MOXD1: variants seen among roughly 807,000 people sequenced by gnomAD.
MOXD1 encodes monooxygenase DBH like 1.
Under a neutral mutation model 66.6 loss-of-function variants are expected in MOXD1, and 62 were observed. The ratio of observed to expected loss-of-function variants is 0.93; its 90% CI spans 0.76 to 1.15. The LOEUF is 1.15. Ranked by LOEUF, MOXD1 falls within the 50% of genes most tolerant of loss-of-function variation. The pLI, the probability that MOXD1 is intolerant of heterozygous loss-of-function variation, is 0.00. For missense variants in MOXD1, 847 were observed against 754.6 expected (o/e 1.12, Z -1.44); for synonymous variants, 303 against 281.9 (o/e 1.07, Z -0.75).
chr6:132,374,448 C>T (rs997945979), intron 2 of MOXD1, among the ~76,000 whole-genome samples, 183 bp downstream of exon 2: 1 of 151,080 alleles, frequency 6.6e-6, no homozygotes, highest in African/African-American at 2.4e-5. Context: ...TTTGGTCTTA[C>T]ACATTTTTGG....
In MOXD1 at chr6:132,322,686, AT is replaced by A; in HGVS notation, c.1297del (p.Ile433SerfsTer7). ...EFQYLKEEQTILPGDNLITEC... is the reference protein window; with the variant it reads ...EFQYLKEEQTXLPGDNLITEC... ...GAACAAAAACATGCATACTGGTAAG[AT>A]TGTTTGTTCTTCCTTTAGATACTGA... On this transcript the variant is annotated frameshift_variant, in exon 8 of 12. Transcript: ENST00000367963. LOFTEE classifies it high-confidence loss of function. The A allele has an allele frequency of 6.2e-7, 1 of 1,613,210 alleles. No homozygotes were observed. Among genetic ancestry groups the A allele is most frequent in the Non-Finnish European group, 8.5e-7 (1 of 1,179,506 alleles).
At chr6:132,357,139 A>G (rs1015158281) in intron 4 of MOXD1, among the ~76,000 whole-genome samples, 2 of 152,104 alleles carry the variant, frequency 1.3e-5, no homozygotes, top group Admixed American at 6.5e-5. Flanking sequence ...GCCAGTCCAG[A>G]AGCACATCAT....
At chr6:132,368,399 T>C (rs1392741304) in intron 4 of MOXD1, among the ~76,000 whole-genome samples, 1 of 152,050 alleles carries the variant, frequency 6.6e-6, no homozygotes, top group Non-Finnish European at 1.5e-5. Context: ...ACCAAGAATA[T>C]TCTTTTCTAC....
At chr6:132,321,716 CTGTT>C (rs1222939376) in intron 8 of MOXD1, among the ~76,000 whole-genome samples, 3 of 152,146 alleles carry the variant, frequency 2.0e-5, no homozygotes, top group Non-Finnish European at 4.4e-5. Context: ...TGAGATAACA[CTGTT>C]TGGAAAACCC....
intron 4 of MOXD1, among the ~76,000 whole-genome samples, chr6:132,340,638 ATTTTTTTTTTTT>A (rs869205496): frequency 1.0e-5 from 1 of 98,808 alleles, no homozygotes; most frequent in Non-Finnish European, 1.9e-5. Flanking sequence ...AACAAGACTC[ATTTTTTTTTTTT>A]TTTTTTTTTT....
At chr6:132,319,813 CCT>C (rs148226395) in intron 9 of MOXD1, among the ~76,000 whole-genome samples, 1 of 151,860 alleles carries the variant, frequency 6.6e-6, no homozygotes, top group African/African-American at 2.4e-5. Context: ...AAGACAATTC[CCT>C]GTTATTCCAG....
At chr6:132,384,272 TCCTTCCTTCCTTC>T (rs778653424) in intron 1 of MOXD1, among the ~76,000 whole-genome samples, 1,124 of 98,666 alleles carry the variant, frequency 0.011, 15 homozygotes, top group Middle Eastern at 0.034. Context: ...CTTCCTTCCT[TCCTTCCTTCCTTC>T]CTTCCTCCTT....
intron 1 of MOXD1, among the ~76,000 whole-genome samples, chr6:132,387,327 C>T (rs567511691): frequency 1.8e-4 from 28 of 151,504 alleles, no homozygotes; most frequent in African/African-American, 6.5e-4. Context: ...ATGCACAGAT[C>T]ATTTTTTAAC....
rs941698777 is a variant in MOXD1, at chr6:132,322,748, G to A, written c.1236C>T (p.Ala412=). Residue 412 remains alanine (A), a synonymous_variant, in exon 8 of 12, where the codon GCC becomes GCT. Transcript: ENST00000367963. ...FRKGKEMKLL[A]YDDDFDFNFQ... is the part of the protein sequence containing the mutation. Reference sequence around the variant, plus strand: ...AATTGAAGTCAAAATCATCATCATAGGCAAGTAATTTCATTTCCTTCCCTT... The same window carrying A: ...AATTGAAGTCAAAATCATCATCATAAGCAAGTAATTTCATTTCCTTCCCTT... 2.5e-6 allele frequency: 4 copies of A among 1,614,026 alleles called. No individual in the cohort carries two copies. In the African/African-American group the frequency reaches 5.3e-5, roughly 22 times the overall value.
chr6:132,380,890 G>A (rs1271475297), intron 1 of MOXD1, among the ~76,000 whole-genome samples: 1 of 152,096 alleles, frequency 6.6e-6, no homozygotes, highest in East Asian at 1.9e-4. Flanking sequence ...ATCTGGGAAT[G>A]TTGTTGTGAC....
In MOXD1 at chr6:132,374,740, T is replaced by G. The variant is rs766170489; in HGVS notation, c.302A>C (p.Asp101Ala). 110 of 1,613,862 alleles carry G rather than the reference T, an allele frequency of 6.8e-5. No individual in the cohort carries two copies. The highest frequency in any genetic ancestry group is 8.8e-5 in the Non-Finnish European group (104 of 1,179,886). The stretch of plus-strand genomic sequence containing the variant: ...TTCTAGATGGTAATCTTGCTGAGCA[T>G]CTTTTTTCAACTCTCTATTTGCATT... ...FTNANRELKK[D>A]AQQDYHLEYA... The change falls in exon 2 of 12, where the codon GAT becomes GCT. Residue 101 changes from aspartate (D) to alanine (A), a missense_variant. By Grantham distance (126) the Asp-to-Ala change is moderately radical (BLOSUM62 -2). Transcript: ENST00000367963.
intron 10 of MOXD1, among the ~76,000 whole-genome samples, chr6:132,299,454 G>A (rs1320283271): frequency 2.0e-5 from 3 of 151,384 alleles, no homozygotes; most frequent in African/African-American, 7.3e-5. Context: ...AAAATGTACT[G>A]AGAAAAAAAA....
intron 1 of MOXD1, among the ~76,000 whole-genome samples, chr6:132,379,796 A>G (rs978904032): frequency 6.6e-6 from 1 of 152,158 alleles, no homozygotes; most frequent in Non-Finnish European, 1.5e-5. Flanking sequence ...TCTCCTAGCT[A>G]TCTAAATTCA....
rs959024610 is a variant in MOXD1, at chr6:132,348,790, A to G, written c.664-20196T>C. On this transcript the variant is annotated intron_variant, in intron 4 of 11. Coordinates refer to ENST00000367963, the MANE Select transcript of MOXD1 (RefSeq NM_015529.4). ...AAAGGAAGAAATCTAACAAAAGAGC[A>G]TATAAATCAAGTTATGATAATGGTT... Among the ~76,000 whole-genome samples the G allele has an allele frequency of 2.0e-5, 3 of 152,150 alleles. No homozygotes were observed. The South Asian group carries it at 6.2e-4, about 31-fold the overall frequency.
intron 2 of MOXD1, among the ~76,000 whole-genome samples, chr6:132,373,855 A>G (rs1776319599): frequency 6.6e-6 from 1 of 152,262 alleles, no homozygotes; most frequent in Admixed American, 6.5e-5. Flanking sequence ...GACTATAATT[A>G]TTATTCCAAT....
chr6:132,377,834 AT>A (rs1218157769), intron 1 of MOXD1, among the ~76,000 whole-genome samples: 1 of 152,126 alleles, frequency 6.6e-6, no homozygotes, highest in East Asian at 1.9e-4. Flanking sequence ...TTCCACTATA[AT>A]TTTTTTCACA....
chr6:132,313,534 C>T (rs1027046671), intron 10 of MOXD1, among the ~76,000 whole-genome samples: 2 of 152,128 alleles, frequency 1.3e-5, no homozygotes, highest in African/African-American at 4.8e-5. Flanking sequence ...AAAAACTTGA[C>T]CATATTTCTA....
intron 1 of MOXD1, among the ~76,000 whole-genome samples, chr6:132,385,771 C>T (rs1325515320): frequency 2.6e-5 from 4 of 151,822 alleles, no homozygotes; most frequent in Non-Finnish European, 1.5e-5. Context: ...GGATTACAGG[C>T]GTGAGCCACT....
At chr6:132,351,227 G>A (rs1362108391) in intron 4 of MOXD1, among the ~76,000 whole-genome samples, 1 of 152,126 alleles carries the variant, frequency 6.6e-6, no homozygotes, top group African/African-American at 2.4e-5. Flanking sequence ...CCAGTTCTCA[G>A]AGGGAATGCT....
Sources: gnomAD v4.1 joint callset for allele counts (sites outside exome capture counted in the v4.1 genomes callset) on GRCh38, gnomAD v4.1.1 for gene constraint, MANE v1.5 for transcripts, NCBI Gene and HGNC (gene_info 2026-07-23, HGNC 2026-07-21) for gene names.